PATJ: variants seen among roughly 807,000 people sequenced by gnomAD.
PATJ encodes PATJ crumbs cell polarity complex component.
Under a neutral mutation model 224.9 loss-of-function variants are expected in PATJ, and 190 were observed. That is an observed-to-expected ratio of 0.84 (90% CI 0.75 to 0.95). The LOEUF is 0.95. Among genes scored for constraint, PATJ ranks in the 40% least tolerant of loss-of-function variants. PATJ has a pLI of 0.00. For missense variants in PATJ, 2,121 were observed against 2,270.3 expected (o/e 0.93, Z 1.34); for synonymous variants, 769 against 820.3 (o/e 0.94, Z 1.07).
intron 7 of PATJ, among the ~76,000 whole-genome samples, chr1:61,786,550 C>T (rs985383062): frequency 1.1e-4 from 16 of 152,042 alleles, no homozygotes; most frequent in African/African-American, 3.4e-4. Flanking sequence ...ATTTCCACCT[C>T]GCCCATCTGT....
intron 22 of PATJ, among the ~76,000 whole-genome samples, chr1:61,889,770 C>A (rs1557827988): frequency 6.6e-6 from 1 of 152,190 alleles, no homozygotes; most frequent in Non-Finnish European, 1.5e-5. Flanking sequence ...AATTTAAAAC[C>A]TATGAATTGT....
intron 41 of PATJ, among the ~76,000 whole-genome samples, chr1:62,146,530 C>T (rs935698398): frequency 6.6e-6 from 1 of 152,134 alleles, no homozygotes; most frequent in Non-Finnish European, 1.5e-5. Flanking sequence ...AATCCCTGCA[C>T]TCTGGGAGGC....
chr1:61,986,179 G>A (rs1473976804), intron 27 of PATJ, among the ~76,000 whole-genome samples: 1 of 151,892 alleles, frequency 6.6e-6, no homozygotes, highest in Non-Finnish European at 1.5e-5. Flanking sequence ...CAAAGTGCTG[G>A]GATCACAGGC....
intron 27 of PATJ, among the ~76,000 whole-genome samples, chr1:61,980,777 T>A (rs951733061): frequency 2.0e-5 from 3 of 152,112 alleles, no homozygotes; most frequent in Non-Finnish European, 2.9e-5. Flanking sequence ...TGTCTGATAC[T>A]GCGCAACAGT....
At chr1:61,888,163 C>T (rs1365698553) in intron 22 of PATJ, among the ~76,000 whole-genome samples, 1 of 152,208 alleles carries the variant, frequency 6.6e-6, no homozygotes, top group African/African-American at 2.4e-5. Flanking sequence ...CCGGTGCAGC[C>T]TCTGGGGAAA....
chr1:61,920,389 T>G (rs1225022526), intron 26 of PATJ, among the ~76,000 whole-genome samples: 1 of 152,020 alleles, frequency 6.6e-6, no homozygotes, highest in East Asian at 1.9e-4. Flanking sequence ...ACCAGGAGTT[T>G]CCCTGCACAA....
chr1:62,072,507 A>G (rs1338109462), intron 31 of PATJ: 1 of 152,122 alleles, frequency 6.6e-6, no homozygotes, highest in Non-Finnish European at 1.5e-5. Flanking sequence ...CAGGAGGATC[A>G]CTTGAGCCCA....
chr1:61,957,170 T>C (rs183149327), intron 27 of PATJ, among the ~76,000 whole-genome samples: 1 of 152,314 alleles, frequency 6.6e-6, no homozygotes, highest in East Asian at 1.9e-4. Flanking sequence ...GCATGTAACC[T>C]AATGAATATT....
Position 62,111,172 on chromosome 1 carries a change from A to G in PATJ, c.4461+2652A>G, listed in dbSNP as rs568792266. The stretch of plus-strand genomic sequence containing the variant: ...AAAGTATATTTGTTAGGGCCTTTCG[A>G]ACAGTATTTAGAGGCTTAGAAAGTT... On this transcript the variant is annotated intron_variant, in intron 34 of 43. Coordinates refer to ENST00000642238, the MANE Select transcript of PATJ (RefSeq NM_001350145.3). Among the ~76,000 whole-genome samples the G allele has an allele frequency of 2.6e-5, 4 of 152,342 alleles. No homozygotes were observed. The East Asian group carries it at 7.7e-4, about 29-fold the overall frequency.
At chr1:61,977,923 A>C (rs1644230987) in intron 27 of PATJ, among the ~76,000 whole-genome samples, 1 of 151,770 alleles carries the variant, frequency 6.6e-6, no homozygotes, top group African/African-American at 2.4e-5. Flanking sequence ...TTTTAATAAA[A>C]ATAAGTTGAT....
At chr1:62,155,217 T>A (rs1669061121) in intron 43 of PATJ, among the ~76,000 whole-genome samples, 2 of 152,166 alleles carry the variant, frequency 1.3e-5, no homozygotes, top group South Asian at 2.1e-4. Flanking sequence ...ACAAAGCTCC[T>A]CCAGAATGTT....
At chr1:61,945,031 G>A (rs1267838919) in intron 27 of PATJ, among the ~76,000 whole-genome samples, 1 of 152,176 alleles carries the variant, frequency 6.6e-6, no homozygotes, top group East Asian at 1.9e-4. Flanking sequence ...AATGCTAAGA[G>A]ATTTTGTCAC....
At chr1:61,970,668 A>AT (rs879707433) in intron 27 of PATJ, among the ~76,000 whole-genome samples, 1 of 152,036 alleles carries the variant, frequency 6.6e-6, no homozygotes, top group Non-Finnish European at 1.5e-5. Context: ...ATTTTTAAAA[A>AT]TTTTTTGTAA....
At chr1:61,985,267 G>T (rs775067095) in intron 27 of PATJ, among the ~76,000 whole-genome samples, 5 of 151,834 alleles carry the variant, frequency 3.3e-5, no homozygotes, top group Admixed American at 6.5e-5. Flanking sequence ...AACCGAGATC[G>T]TGCCACTGTA....
chr1:61,928,228 AC>A (rs977952910), intron 27 of PATJ, among the ~76,000 whole-genome samples: 2 of 152,204 alleles, frequency 1.3e-5, no homozygotes, highest in African/African-American at 4.8e-5. Context: ...AGGCCCACCA[AC>A]TTGTATTTTG....
At chr1:62,020,127 G>A (rs750141479) in intron 29 of PATJ, among the ~76,000 whole-genome samples, 1 of 151,908 alleles carries the variant, frequency 6.6e-6, no homozygotes, top group African/African-American at 2.4e-5. Context: ...CCATGATCAC[G>A]CCACTGCACT....
chr1:61,994,993 T>C (rs894360624), intron 28 of PATJ, among the ~76,000 whole-genome samples: 9 of 152,252 alleles, frequency 5.9e-5, no homozygotes, highest in African/African-American at 2.2e-4. Context: ...TATTACTCTA[T>C]GATATGTGAA....
At chr1:61,797,241 G>A in intron 10 of PATJ, 46 bp from the exon 11 acceptor site, 2 of 1,575,186 alleles carry the variant, frequency 1.3e-6, no homozygotes, top group Non-Finnish European at 1.7e-6. Context: ...GCTAAAAATA[G>A]TAGCTAATTT....
chr1:62,003,411 T>C (rs1645909284), intron 28 of PATJ, among the ~76,000 whole-genome samples: 1 of 152,246 alleles, frequency 6.6e-6, no homozygotes, highest in African/African-American at 2.4e-5. Context: ...ATGCTGCCTT[T>C]AGAATGTATT....
Sources: allele counts gnomAD v4.1 joint callset (sites outside exome capture counted in the v4.1 genomes callset), GRCh38; gene constraint gnomAD v4.1.1; transcripts MANE v1.5; gene names NCBI Gene and HGNC (gene_info 2026-07-23, HGNC 2026-07-21).